PEX1: variants seen among roughly 807,000 people sequenced by gnomAD.
The protein encoded by PEX1 is peroxisomal ATPase PEX1.
A neutral mutation model predicts 152.5 loss-of-function variants in PEX1; 97 were observed. The ratio of observed to expected loss-of-function variants is 0.64; its 90% CI spans 0.54 to 0.75. The LOEUF (loss-of-function observed/expected upper bound fraction) is 0.75, where lower values mean the gene tolerates loss of function less well. Ranked by LOEUF, PEX1 falls within the 30% of genes least tolerant of loss-of-function variation. The pLI, the probability that PEX1 is intolerant of heterozygous loss-of-function variation, is 0.00. For synonymous variants in PEX1, 485 were observed against 531.6 expected (o/e 0.91, Z 1.21); for missense variants, 1,357 against 1,516.3 (o/e 0.89, Z 1.74).
At chr7:92,490,132 C>CTT (rs1791210776) in intron 21 of PEX1, 1 of 573,764 alleles carries the variant, frequency 1.7e-6, no homozygotes, top group South Asian at 2.1e-5. Context: ...TGAAAATTGC[C>CTT]ATAACACAGG....
At position 92,528,364 on chromosome 7, in the gene PEX1, A is replaced by T. The variant is rs779078045; in HGVS notation, c.72T>A (p.Ala24=). The T allele has an allele frequency of 2.5e-6, 4 of 1,587,216 alleles. No homozygotes were observed. The African/African-American group carries it at 5.4e-5, about 21-fold the overall frequency. Residue 24 remains alanine (A), a synonymous_variant, in exon 1 of 24, where the codon GCT becomes GCA. Coordinates refer to ENST00000248633, the MANE Select transcript of PEX1 (RefSeq NM_000466.3). ...GAAVTVAFTN[A]RDCFLHLPRR... Reference sequence around the variant, plus strand: ...GCGGCAGGTGGAGGAAGCAGTCGCGAGCGTTGGTGAAGGCCACAGTCACTG... The same window carrying T: ...GCGGCAGGTGGAGGAAGCAGTCGCGTGCGTTGGTGAAGGCCACAGTCACTG...
intron 5 of PEX1, among the ~76,000 whole-genome samples, chr7:92,516,299 T>C (rs1792783774): frequency 1.3e-5 from 2 of 150,924 alleles, no homozygotes; most frequent in Non-Finnish European, 3.0e-5. Context: ...TGGTGGTGCA[T>C]GCCTGTAGTC....
Position 92,488,718 on chromosome 7 carries a change from G to A in PEX1, c.3767+575C>T, listed in dbSNP as rs74845304. The stretch of plus-strand genomic sequence containing the variant: ...TTTTAATTTTCCTTCTTATTTCTTC[G>A]AAGTTACTAAATTTTTTTTTTTTTT... On this transcript the variant is annotated intron_variant, in intron 23 of 23. Coordinates refer to ENST00000248633, the MANE Select transcript of PEX1 (RefSeq NM_000466.3). Among the ~76,000 whole-genome samples the A allele has an allele frequency of 1.6e-3, 240 of 150,910 alleles. 6 individuals carry two copies. In the East Asian group the frequency reaches 0.034, roughly 21 times the overall value.
chr7:92,528,423 C>A lies in PEX1; in HGVS notation c.13G>T (p.Asp5Tyr), dbSNP rs1263050572. ...CCTCCCCCAGCACCCGCCAGGCGAT[C>A]GCTGCCCCACATCGTCCCGGAGCGT... MWGS[D>Y]RLAGAGGGGA... The change falls in exon 1 of 24, where the codon GAT (aspartate) becomes TAT (tyrosine). Residue 5 changes from aspartate to tyrosine, a missense_variant. Asp to Tyr is a radical substitution (Grantham distance 160). Transcript: ENST00000248633. 3 of 1,594,318 alleles carry A rather than the reference C, an allele frequency of 1.9e-6. No homozygotes were observed. The highest frequency in any genetic ancestry group is 2.6e-6 in the Non-Finnish European group (3 of 1,172,102).
rs139797041 is a variant in PEX1, at chr7:92,499,807, C to T, written c.2615G>A (p.Arg872Gln). ...ATACAACAGTATTCCTGTTCTTTGT[C>T]GTATGGGCAAGTTTGCAAATAATTC... ...YPELFANLPI[R>Q]QRTGILLYGP... Residue 872 changes from arginine to glutamine, a missense_variant, in exon 16 of 24, where the codon CGA becomes CAA. Physicochemically the swap from Arg to Gln is conservative, Grantham distance 43. Transcript: ENST00000248633. 1.9e-4 allele frequency: 301 copies of T among 1,609,186 alleles called. No individual in the cohort carries two copies. The highest frequency in any genetic ancestry group is 2.3e-4 in the Non-Finnish European group (267 of 1,177,074).
chr7:92,513,790 T>C lies in PEX1; in HGVS notation c.1359+58A>G, dbSNP rs1190197208. The C allele has an allele frequency of 2.3e-6, 3 of 1,313,534 alleles. No homozygotes were observed. In the African/African-American group the frequency reaches 4.3e-5, roughly 19 times the overall value. The allele number at this position is 1,313,534 out of a possible 1,614,324, so 81.4% of individuals were successfully genotyped here. ...ATTCTTATTACTTAGCTAAAGCAACTAGAAATCTTACAAAACGTGTAAAAG... is the reference window on the plus strand; with the variant it reads ...ATTCTTATTACTTAGCTAAAGCAACCAGAAATCTTACAAAACGTGTAAAAG... On this transcript the variant is annotated intron_variant, in intron 6 of 23. Coordinates refer to ENST00000248633, the MANE Select transcript of PEX1 (RefSeq NM_000466.3).
Position 92,528,471 on chromosome 7 carries a change from G to T in PEX1, c.-36C>A, listed in dbSNP as rs951199840. 6.5e-7 allele frequency: 1 copy of T among 1,547,002 alleles called. No individual in the cohort carries two copies. The stretch of plus-strand genomic sequence containing the variant: ...CGTCGCTCTGGGTTCGCCCACCCTA[G>T]CGCCGCAAAGGACCCGGGACCCGGC... On this transcript the variant is annotated 5_prime_UTR_variant, in exon 1 of 24. Transcript: ENST00000248633.
chr7:92,505,840 T>C (rs1792163248), intron 11 of PEX1, among the ~76,000 whole-genome samples: 2 of 152,164 alleles, frequency 1.3e-5, no homozygotes, highest in African/African-American at 2.4e-5. Context: ...AGTACAAAAG[T>C]GTTATATGGT....
chr7:92,528,215 G>C, intron 1 of PEX1, 92 bp downstream of exon 1: 2 of 1,512,746 alleles, frequency 1.3e-6, no homozygotes, highest in Admixed American at 2.0e-5. Flanking sequence ...GCGGCGCCCG[G>C]GTGGCAGCCG....
intron 23 of PEX1, among the ~76,000 whole-genome samples, 195 bp downstream of exon 23, chr7:92,489,098 A>G (rs1489923985): frequency 6.6e-6 from 1 of 152,272 alleles, no homozygotes; most frequent in Non-Finnish European, 1.5e-5. Flanking sequence ...GAACTGGTTA[A>G]TGAAAACTCA....
chr7:92,515,248 G>A (rs1792686394), intron 5 of PEX1, among the ~76,000 whole-genome samples: 1 of 151,570 alleles, frequency 6.6e-6, no homozygotes, highest in Non-Finnish European at 1.5e-5. Flanking sequence ...GTAGACAAAA[G>A]CATAAATAAA....
intron 13 of PEX1, 148 bp downstream of exon 13, chr7:92,502,893 C>G: frequency 1.4e-6 from 1 of 716,712 alleles, no homozygotes; most frequent in East Asian, 2.7e-5. Context: ...ATTTATGCCT[C>G]TAGCACAATA....
rs1312351030 is a variant in PEX1 at position 92,493,088 on chromosome 7, TAG to T, written c.3070_3071del (p.Leu1024ThrfsTer5). Reference sequence around the variant, plus strand: ...GAAGGTCAACATCATCTGCCAGAGGTAGAGAGTCACTGAGGACATTTAAAATT... The same window carrying T: ...GAAGGTCAACATCATCTGCCAGAGGTAGAGTCACTGAGGACATTTAAAATT... ...LEILNVLSDSLPLADDVDLQH... is the reference protein window; with the variant it reads ...LEILNVLSDSXPLADDVDLQH... On this transcript the variant is annotated frameshift_variant, in exon 20 of 24. Transcript: ENST00000248633. LOFTEE classifies it high-confidence loss of function. 6 of 1,612,350 alleles carry T rather than the reference TAG, an allele frequency of 3.7e-6. No individual in the cohort carries two copies. The highest frequency in any genetic ancestry group is 4.2e-6 in the Non-Finnish European group (5 of 1,178,552).
At chr7:92,524,747 CA>C (rs1562871354) in intron 1 of PEX1, among the ~76,000 whole-genome samples, 1 of 152,178 alleles carries the variant, frequency 6.6e-6, no homozygotes, top group Admixed American at 6.5e-5. Context: ...TTCTGGCTGA[CA>C]AATTCTTTCA....
Position 92,492,988 on chromosome 7 carries a change from C to T in PEX1, c.3172G>A (p.Ala1058Thr), listed in dbSNP as rs1791428584. The T allele has an allele frequency of 1.2e-6, 2 of 1,613,810 alleles. No individual in the cohort carries two copies. The highest frequency in any genetic ancestry group is 1.7e-6 in the Non-Finnish European group (2 of 1,179,812). ...CTCGAGAGCAGCATTCCATGTAAGG[C>T]CTCCAATTGGGCATTGTAAAGTAAA... ...KALLYNAQLE[A>T]LHGMLLSSGL... The change falls in exon 20 of 24, where the codon GCC becomes ACC. Residue 1058 changes from alanine to threonine, a missense_variant. By Grantham distance (58) the Ala-to-Thr change is moderately conservative. Coordinates refer to ENST00000248633, the MANE Select transcript of PEX1 (RefSeq NM_000466.3).
intron 11 of PEX1, among the ~76,000 whole-genome samples, chr7:92,505,290 G>A (rs1401275757): frequency 6.6e-6 from 1 of 151,850 alleles, no homozygotes. Context: ...GCATGCACCT[G>A]TAGTCCCAAT....
At chr7:92,498,571 C>T (rs551999584) in intron 16 of PEX1, among the ~76,000 whole-genome samples, 14 of 152,266 alleles carry the variant, frequency 9.2e-5, no homozygotes, top group South Asian at 2.1e-4. Flanking sequence ...GAATAATACA[C>T]GATTCCTTTG....
In PEX1 at chr7:92,499,688, T is replaced by C; in HGVS notation, c.2718+16A>G. ...ATTTTACCTAAATAAAAAAAGAAGA[T>C]AAGTAGACAACATACCTTGACACTT... On this transcript the variant is annotated intron_variant, in intron 16 of 23. Coordinates refer to ENST00000248633, the MANE Select transcript of PEX1 (RefSeq NM_000466.3). 6.3e-7 allele frequency: 1 copy of C among 1,599,752 alleles called. No homozygotes were observed. Among genetic ancestry groups the C allele is most frequent in the South Asian group, 1.1e-5 (1 of 90,632 alleles).
intron 8 of PEX1, among the ~76,000 whole-genome samples, chr7:92,509,736 T>A (rs1318706527): frequency 6.6e-6 from 1 of 152,168 alleles, no homozygotes; most frequent in African/African-American, 2.4e-5. Context: ...TTCAATAACA[T>A]TTCAAAAATA....
Sources: gnomAD v4.1 joint callset for allele counts (sites outside exome capture counted in the v4.1 genomes callset) on GRCh38, gnomAD v4.1.1 for gene constraint, MANE v1.5 for transcripts, NCBI Gene and HGNC (gene_info 2026-07-23, HGNC 2026-07-21) for gene names.